Variants in SAMD12 observed in about 807,000 individuals in gnomAD.
SAMD12 encodes sterile alpha motif domain containing 12.
In SAMD12, 9 loss-of-function variants were observed where a neutral mutation model predicts 15.0. The ratio of observed to expected loss-of-function variants is 0.60; its 90% CI spans 0.36 to 1.05. The LOEUF is 1.05. SAMD12 is among the 50% of genes least tolerant of loss of function. The pLI is 0.01. For synonymous variants in SAMD12, 86 were observed against 90.1 expected, an observed-to-expected ratio of 0.96 and a Z score of 0.25; for missense variants, 230 against 234.2, an observed-to-expected ratio of 0.98 and a Z score of 0.12.
the SAMD12 span, among the ~76,000 whole-genome samples, chr8:118,141,199 A>C: frequency 6.6e-6 from 1 of 152,246 alleles, no homozygotes; most frequent in Non-Finnish European, 1.5e-5. Context: ...TTTCTGGCTC[A>C]GCTTTTACGA....
chr8:118,436,112 T>C (rs1425786998), intron 3 of SAMD12, among the ~76,000 whole-genome samples: 3 of 149,292 alleles, frequency 2.0e-5, no homozygotes, highest in Non-Finnish European at 3.0e-5. Flanking sequence ...GTGCTATAGA[T>C]GACCATGCAT....
chr8:118,175,024 C>CAAAAAAAAACAA, the SAMD12 span, among the ~76,000 whole-genome samples: 14 of 63,544 alleles, frequency 2.2e-4, no homozygotes, highest in African/African-American at 5.2e-4. Flanking sequence ...AGCAGTAAAG[C>CAAAAAAAAACAA]AAAAAAAAAC....
chr8:118,527,818 C>T (rs543455017), intron 2 of SAMD12, among the ~76,000 whole-genome samples: 3 of 152,060 alleles, frequency 2.0e-5, no homozygotes, highest in South Asian at 2.1e-4. Context: ...ATTTTGAGCA[C>T]GATAATTTGA....
intron 4 of SAMD12, among the ~76,000 whole-genome samples, chr8:118,263,243 C>T (rs1436624924): frequency 2.0e-5 from 3 of 152,010 alleles, no homozygotes; most frequent in Admixed American, 6.6e-5. Context: ...AATAAAACCT[C>T]ACGAAAGTGA....
At chr8:118,371,992 A>G (rs2130683704) in intron 4 of SAMD12, among the ~76,000 whole-genome samples, 1 of 152,332 alleles carries the variant, frequency 6.6e-6, no homozygotes, top group African/African-American at 2.4e-5. Context: ...ATGCTATCCA[A>G]TGATAAAGCA....
At chr8:118,164,761 CTGTT>C in the SAMD12 span, among the ~76,000 whole-genome samples, 1 of 151,146 alleles carries the variant, frequency 6.6e-6, no homozygotes, top group Non-Finnish European at 1.5e-5. Flanking sequence ...TAAATAATGT[CTGTT>C]TTTTTGTTCA....
At position 118,413,403 on chromosome 8, in the gene SAMD12, T is replaced by C. The variant is rs573870688; in HGVS notation, c.322+26429A>G. 1.3e-4 allele frequency among the ~76,000 whole-genome samples: 20 copies of C among 152,266 alleles called. No individual in the cohort carries two copies. In the South Asian group the frequency reaches 4.1e-3, roughly 32 times the overall value. ...CACTTGGCATATTTAATCTGCTATT[T>C]TATCTTAGGCTGCCTTTTCCTTCCA... is the stretch of plus-strand genomic sequence containing the variant. On this transcript the variant is annotated intron_variant, in intron 3 of 3. Coordinates refer to ENST00000314727, the MANE Select transcript of SAMD12 (RefSeq NM_207506.3).
At chr8:118,362,022 G>C (rs1301660395) in intron 4 of SAMD12, among the ~76,000 whole-genome samples, 1 of 151,984 alleles carries the variant, frequency 6.6e-6, no homozygotes, top group Non-Finnish European at 1.5e-5. Context: ...AGCAGAAATT[G>C]GTTCTTAATA....
intron 4 of SAMD12, among the ~76,000 whole-genome samples, chr8:118,333,712 A>G (rs1290073802): frequency 2.6e-5 from 4 of 152,132 alleles, no homozygotes; most frequent in Non-Finnish European, 5.9e-5. Flanking sequence ...TATGTACCCC[A>G]TTCTCCTCTA....
chr8:118,603,344 C>T (rs908982464), intron 1 of SAMD12, among the ~76,000 whole-genome samples: 3 of 152,076 alleles, frequency 2.0e-5, no homozygotes, highest in Admixed American at 6.6e-5. Context: ...TTTCTGAACA[C>T]TCAGACTGGA....
intron 4 of SAMD12, among the ~76,000 whole-genome samples, chr8:118,209,628 A>C (rs1819962776): frequency 6.6e-6 from 1 of 152,132 alleles, no homozygotes; most frequent in South Asian, 2.1e-4. Context: ...AGGATCTTGC[A>C]ATTTACCAGG....
intron 4 of SAMD12, among the ~76,000 whole-genome samples, chr8:118,245,131 C>T (rs1466743679): frequency 6.6e-6 from 1 of 152,106 alleles, no homozygotes; most frequent in Non-Finnish European, 1.5e-5. Flanking sequence ...TCATCATGAC[C>T]ACCGCTGGCA....
intron 4 of SAMD12, among the ~76,000 whole-genome samples, chr8:118,356,835 G>A (rs1231801037): frequency 6.6e-6 from 1 of 152,138 alleles, no homozygotes; most frequent in Non-Finnish European, 1.5e-5. Flanking sequence ...ATTTGTGGCT[G>A]CTCAGGCCAA....
chr8:118,360,717 A>G (rs1334276477), intron 4 of SAMD12, among the ~76,000 whole-genome samples: 4 of 152,218 alleles, frequency 2.6e-5, no homozygotes, highest in Non-Finnish European at 5.9e-5. Flanking sequence ...TGAGATGGCC[A>G]GAAAGTCTAA....
At chr8:118,513,900 G>A (rs1226017454) in intron 2 of SAMD12, among the ~76,000 whole-genome samples, 1 of 152,172 alleles carries the variant, frequency 6.6e-6, no homozygotes, top group Non-Finnish European at 1.5e-5. Flanking sequence ...GTTCTACAGG[G>A]AGCCATCACT....
the SAMD12 span, among the ~76,000 whole-genome samples, chr8:118,149,789 G>A: frequency 1.3e-5 from 2 of 151,480 alleles, no homozygotes; most frequent in Non-Finnish European, 2.9e-5. Context: ...TAATTTTTTT[G>A]CATGTGGATA....
At chr8:118,229,598 T>C (rs1483012993) in intron 4 of SAMD12, among the ~76,000 whole-genome samples, 2 of 152,206 alleles carry the variant, frequency 1.3e-5, no homozygotes, top group African/African-American at 4.8e-5. Flanking sequence ...TTGGCTCCTA[T>C]GGTGTTGACT....
chr8:118,303,856 C>A (rs1381067669), intron 4 of SAMD12, among the ~76,000 whole-genome samples: 2 of 152,140 alleles, frequency 1.3e-5, no homozygotes, highest in Non-Finnish European at 2.9e-5. Flanking sequence ...AGTTTAAAAT[C>A]CTCTTCTTTT....
intron 4 of SAMD12, among the ~76,000 whole-genome samples, chr8:118,233,094 A>AT (rs1211736608): frequency 6.6e-6 from 1 of 152,034 alleles, no homozygotes; most frequent in Non-Finnish European, 1.5e-5. Flanking sequence ...AGAGAATAAT[A>AT]TTTTTCTTCC....
Sources: allele counts gnomAD v4.1 joint callset (sites outside exome capture counted in the v4.1 genomes callset), GRCh38; gene constraint gnomAD v4.1.1; transcripts MANE v1.5; gene names NCBI Gene and HGNC (gene_info 2026-07-23, HGNC 2026-07-21).